Variants in CNTNAP2 observed in about 807,000 individuals in gnomAD.
CNTNAP2 encodes the protein contactin-associated protein-like 2.
CNTNAP2 carries 98 observed loss-of-function variants against 155.2 expected under a neutral mutation model. The ratio of observed to expected loss-of-function variants is 0.63; its 90% CI spans 0.54 to 0.75. The LOEUF is 0.75. Among genes scored for constraint, CNTNAP2 ranks in the 30% least tolerant of loss-of-function variants. The pLI, the probability that CNTNAP2 is intolerant of heterozygous loss-of-function variation, is 0.00. For synonymous variants in CNTNAP2, 651 were observed against 631.2 expected (o/e 1.03, Z -0.47); for missense variants, 1,727 against 1,688.1 (o/e 1.02, Z -0.40).
At chr7:147,499,276 C>T (rs1327878314) in intron 11 of CNTNAP2, among the ~76,000 whole-genome samples, 1 of 152,024 alleles carries the variant, frequency 6.6e-6, no homozygotes, top group Admixed American at 6.6e-5. Context: ...CGCCTGTAAT[C>T]CCAGCACTTT....
intron 1 of CNTNAP2, among the ~76,000 whole-genome samples, chr7:146,256,531 G>A (rs184940543): frequency 0.017 from 2,525 of 151,184 alleles, 30 homozygotes; most frequent in Non-Finnish European, 0.024. Context: ...AAAATATAAC[G>A]AATATTAATT....
At chr7:147,826,238 G>T (rs1412622539) in intron 13 of CNTNAP2, among the ~76,000 whole-genome samples, 2 of 152,086 alleles carry the variant, frequency 1.3e-5, no homozygotes, top group Non-Finnish European at 2.9e-5. Context: ...TGGATATTTT[G>T]GCTGAACTCC....
chr7:146,624,547 T>A (rs1799387270), intron 1 of CNTNAP2, among the ~76,000 whole-genome samples: 1 of 152,004 alleles, frequency 6.6e-6, no homozygotes, highest in African/African-American at 2.4e-5. Context: ...AAATATTAAT[T>A]TTGTTTGTGT....
At chr7:147,294,577 G>A (rs1805387460) in intron 8 of CNTNAP2, among the ~76,000 whole-genome samples, 1 of 152,130 alleles carries the variant, frequency 6.6e-6, no homozygotes, top group Admixed American at 6.5e-5. Flanking sequence ...ACATTGTAAA[G>A]ACTTACTGCA....
At chr7:148,161,667 A>G (rs1433733739) in intron 17 of CNTNAP2, among the ~76,000 whole-genome samples, 2 of 152,036 alleles carry the variant, frequency 1.3e-5, no homozygotes, top group African/African-American at 4.8e-5. Flanking sequence ...GCCTCTCACT[A>G]CCCGTTCCTC....
intron 1 of CNTNAP2, among the ~76,000 whole-genome samples, chr7:146,294,863 T>C (rs114724204): frequency 0.032 from 4,798 of 152,244 alleles, 115 homozygotes; most frequent in African/African-American, 0.069. Flanking sequence ...GAACTCTAAG[T>C]TACTAAAATA....
intron 18 of CNTNAP2, among the ~76,000 whole-genome samples, chr7:148,178,898 T>C (rs1422263631): frequency 6.6e-6 from 1 of 152,234 alleles, no homozygotes; most frequent in African/African-American, 2.4e-5. Context: ...GCTTTAAATG[T>C]CAAATGCCTA....
At chr7:148,408,739 G>A (rs985280472) in intron 22 of CNTNAP2, among the ~76,000 whole-genome samples, 1 of 152,134 alleles carries the variant, frequency 6.6e-6, no homozygotes, top group Admixed American at 6.5e-5. Context: ...ATGGACTTCG[G>A]GATCTATTTG....
chr7:147,873,217 A>G (rs921589849), intron 13 of CNTNAP2, among the ~76,000 whole-genome samples: 1 of 152,374 alleles, frequency 6.6e-6, no homozygotes. Context: ...CGTTTGTTAA[A>G]ATAAAAAGAT....
chr7:148,076,444 T>C (rs1803487848), intron 15 of CNTNAP2, among the ~76,000 whole-genome samples: 1 of 134,282 alleles, frequency 7.4e-6, no homozygotes, highest in Non-Finnish European at 1.6e-5. Context: ...TTTTTTTTTT[T>C]TTTTTTTTTG....
intron 14 of CNTNAP2, 58 bp downstream of exon 14, chr7:147,903,779 A>T: frequency 6.3e-7 from 1 of 1,593,070 alleles, no homozygotes; most frequent in Non-Finnish European, 8.6e-7. Context: ...TTTGTGTCAA[A>T]CTCATGTGAT....
chr7:146,708,003 A>G (rs898027800), intron 1 of CNTNAP2, among the ~76,000 whole-genome samples: 1 of 152,114 alleles, frequency 6.6e-6, no homozygotes, highest in South Asian at 2.1e-4. Flanking sequence ...TGTGTCTGTT[A>G]CATGAGTGAT....
chr7:146,625,708 C>T (rs995976105), intron 1 of CNTNAP2, among the ~76,000 whole-genome samples: 3 of 151,914 alleles, frequency 2.0e-5, no homozygotes, highest in African/African-American at 7.2e-5. Context: ...TGTTAACATG[C>T]CAACAAAAGG....
intron 10 of CNTNAP2, among the ~76,000 whole-genome samples, chr7:147,416,258 G>C (rs1797191857): frequency 6.6e-6 from 1 of 152,120 alleles, no homozygotes. Flanking sequence ...CCATGATTAA[G>C]GCCACACAGC....
At chr7:146,815,219 A>G (rs1460503549) in intron 2 of CNTNAP2, among the ~76,000 whole-genome samples, 1 of 152,168 alleles carries the variant, frequency 6.6e-6, no homozygotes, top group Non-Finnish European at 1.5e-5. Context: ...TTTGTTGAAT[A>G]GCAACAATTT....
chr7:148,154,349 T>C (rs924142124), intron 17 of CNTNAP2, among the ~76,000 whole-genome samples: 1 of 152,216 alleles, frequency 6.6e-6, no homozygotes, highest in African/African-American at 2.4e-5. Flanking sequence ...TTGAGGTTTA[T>C]TAAATGGACG....
intron 20 of CNTNAP2, among the ~76,000 whole-genome samples, chr7:148,264,047 T>C (rs941565937): frequency 2.6e-5 from 4 of 151,464 alleles, no homozygotes; most frequent in African/African-American, 9.8e-5. Flanking sequence ...CAACTGTTAA[T>C]GTCAATTATC....
intron 11 of CNTNAP2, among the ~76,000 whole-genome samples, chr7:147,536,994 A>G (rs1419773962): frequency 2.6e-5 from 4 of 152,122 alleles, no homozygotes; most frequent in Non-Finnish European, 2.9e-5. Context: ...ATCTTTCTAA[A>G]TCTGACCCTT....
chr7:147,942,966 G>A lies in CNTNAP2; in HGVS notation c.2256-34896G>A, dbSNP rs961630473. Among the ~76,000 whole-genome samples the A allele has an allele frequency of 9.9e-5, 15 of 152,132 alleles. No homozygotes were observed. The East Asian group carries it at 2.9e-3, about 29-fold the overall frequency. On this transcript the variant is annotated intron_variant, in intron 14 of 23. Coordinates refer to ENST00000361727, the MANE Select transcript of CNTNAP2 (RefSeq NM_014141.6). ...GCAGGAGAATGGCATGAACCCGGGA[G>A]GCGGAGCTTGCAGTGAGCTGAGATC...
Sources: gnomAD v4.1 joint callset for allele counts (sites outside exome capture counted in the v4.1 genomes callset) on GRCh38, gnomAD v4.1.1 for gene constraint, MANE v1.5 for transcripts, NCBI Gene and HGNC (gene_info 2026-07-23, HGNC 2026-07-21) for gene names.